MYO3B: variants seen among roughly 807,000 people sequenced by gnomAD.
MYO3B encodes the protein myosin IIIB.
Under a neutral mutation model 174.6 loss-of-function variants are expected in MYO3B, and 156 were observed. That is an observed-to-expected ratio of 0.89 (90% CI 0.78 to 1.02). The LOEUF (loss-of-function observed/expected upper bound fraction) is 1.02. Among genes scored for constraint, MYO3B ranks in the 50% least tolerant of loss-of-function variants. MYO3B has a pLI of 0.00. For synonymous variants in MYO3B, 563 were observed against 569.1 expected (o/e 0.99, Z 0.15); for missense variants, 1,632 against 1,639.4 (o/e 1.00, Z 0.08).
intron 7 of MYO3B, among the ~76,000 whole-genome samples, chr2:170,294,888 A>G (rs2093619296): frequency 6.6e-6 from 1 of 152,146 alleles, no homozygotes; most frequent in African/African-American, 2.4e-5. Context: ...AGTAGGGGAT[A>G]TATGAGAAAT....
chr2:170,584,062 A>T (rs1693337564), intron 32 of MYO3B, among the ~76,000 whole-genome samples: 1 of 152,212 alleles, frequency 6.6e-6, no homozygotes, highest in South Asian at 2.1e-4. Context: ...AAACTAGTGG[A>T]TCAAAACAAA....
intron 32 of MYO3B, among the ~76,000 whole-genome samples, chr2:170,575,543 ATAT>A (rs1303592996): frequency 1.3e-5 from 2 of 152,196 alleles, no homozygotes. Context: ...GTCCCACAAA[ATAT>A]TATTAGTGTT....
intron 32 of MYO3B, among the ~76,000 whole-genome samples, chr2:170,613,145 T>C (rs1225989280): frequency 6.6e-6 from 1 of 152,186 alleles, no homozygotes; most frequent in East Asian, 1.9e-4. Context: ...AACTATTCTG[T>C]GTACCAACAC....
At chr2:170,547,414 G>A (rs1302138134) in intron 32 of MYO3B, among the ~76,000 whole-genome samples, 2 of 151,870 alleles carry the variant, frequency 1.3e-5, no homozygotes, top group African/African-American at 2.4e-5. Flanking sequence ...CAATATACCC[G>A]GGAAGTGCAT....
At chr2:170,322,114 A>G (rs1240424708) in intron 7 of MYO3B, among the ~76,000 whole-genome samples, 15 of 66,118 alleles carry the variant, frequency 2.3e-4, no homozygotes, top group African/African-American at 4.3e-4. Flanking sequence ...CTCCGTCTCG[A>G]AAAAAAAAAA....
chr2:170,363,903 A>G (rs547714031), intron 8 of MYO3B, among the ~76,000 whole-genome samples: 1 of 152,194 alleles, frequency 6.6e-6, no homozygotes, highest in Non-Finnish European at 1.5e-5. Flanking sequence ...AAAAAAGATT[A>G]AAAAATCCAG....
chr2:170,555,804 C>T (rs997950557), intron 32 of MYO3B, among the ~76,000 whole-genome samples: 2 of 152,004 alleles, frequency 1.3e-5, no homozygotes, highest in African/African-American at 4.8e-5. Context: ...CCCAGGAGGT[C>T]GAGGGTGCAG....
At chr2:170,559,640 A>G (rs1459828461) in intron 32 of MYO3B, among the ~76,000 whole-genome samples, 1 of 152,154 alleles carries the variant, frequency 6.6e-6, no homozygotes, top group African/African-American at 2.4e-5. Context: ...TAATGACGGG[A>G]GGGAGAAATT....
intron 32 of MYO3B, among the ~76,000 whole-genome samples, chr2:170,605,263 T>A (rs1304969637): frequency 6.6e-6 from 1 of 152,214 alleles, no homozygotes; most frequent in East Asian, 1.9e-4. Flanking sequence ...TGGCTGCTCT[T>A]TGTTTCCTCC....
chr2:170,207,489 A>T (rs932600869), intron 3 of MYO3B, among the ~76,000 whole-genome samples: 2 of 151,910 alleles, frequency 1.3e-5, no homozygotes, highest in Non-Finnish European at 2.9e-5. Context: ...CTGGTAAAAA[A>T]CTTTTACCTT....
intron 32 of MYO3B, among the ~76,000 whole-genome samples, chr2:170,634,991 G>A (rs1287991988): frequency 6.6e-6 from 1 of 152,198 alleles, no homozygotes; most frequent in African/African-American, 2.4e-5. Flanking sequence ...TGGAGAAATA[G>A]GAACACTTTT....
At chr2:170,489,977 T>C (rs1016878950) in intron 25 of MYO3B, among the ~76,000 whole-genome samples, 7 of 152,116 alleles carry the variant, frequency 4.6e-5, no homozygotes, top group African/African-American at 9.7e-5. Flanking sequence ...CCTATTTATT[T>C]TACATTAAAA....
At chr2:170,438,825 G>C (rs1342821579) in intron 22 of MYO3B, among the ~76,000 whole-genome samples, 1 of 151,960 alleles carries the variant, frequency 6.6e-6, no homozygotes, top group African/African-American at 2.4e-5. Flanking sequence ...AGTAGAGACA[G>C]GGTTTCACCA....
At chr2:170,236,327 C>A (rs925879257) in intron 7 of MYO3B, among the ~76,000 whole-genome samples, 191 bp downstream of exon 7, 8 of 152,082 alleles carry the variant, frequency 5.3e-5, no homozygotes, top group African/African-American at 1.9e-4. Flanking sequence ...ATAACATACC[C>A]CAAGGAATAA....
intron 3 of MYO3B, among the ~76,000 whole-genome samples, chr2:170,203,865 A>T (rs945648399): frequency 2.0e-5 from 3 of 152,136 alleles, no homozygotes; most frequent in Admixed American, 1.3e-4. Flanking sequence ...GAGACTGGAG[A>T]AGGGAAGAAC....
intron 20 of MYO3B, among the ~76,000 whole-genome samples, chr2:170,404,946 C>G (rs1230735123): frequency 6.6e-6 from 1 of 152,236 alleles, no homozygotes; most frequent in African/African-American, 2.4e-5. Flanking sequence ...GTACCCTATT[C>G]TTGAATCTTC....
chr2:170,381,614 G>A (rs1273002738), intron 9 of MYO3B, among the ~76,000 whole-genome samples: 1 of 152,226 alleles, frequency 6.6e-6, no homozygotes, highest in Non-Finnish European at 1.5e-5. Flanking sequence ...AAAGTTGGGG[G>A]TGGTGCTGGT....
intron 30 of MYO3B, among the ~76,000 whole-genome samples, chr2:170,540,560 T>A (rs1298052058): frequency 6.6e-6 from 1 of 152,102 alleles, no homozygotes; most frequent in Non-Finnish European, 1.5e-5. Context: ...GATTGTAAGC[T>A]TGAGCCATGG....
chr2:170,385,968 C>A, intron 12 of MYO3B: 1 of 336,736 alleles, frequency 3.0e-6, no homozygotes, highest in South Asian at 1.0e-4. Context: ...TCAAATATCC[C>A]AATATTGGAC....
Sources: allele counts gnomAD v4.1 joint callset (sites outside exome capture counted in the v4.1 genomes callset), GRCh38; gene constraint gnomAD v4.1.1; transcripts MANE v1.5; gene names NCBI Gene and HGNC (gene_info 2026-07-23, HGNC 2026-07-21).